VEPH1: variants seen among roughly 807,000 people sequenced by gnomAD.
The protein encoded by VEPH1 is ventricular zone-expressed PH domain-containing protein homolog 1.
Under a neutral mutation model 85.2 loss-of-function variants are expected in VEPH1, and 80 were observed. The observed-to-expected ratio is 0.94, with a 90% CI of 0.78 to 1.13. The LOEUF is 1.13. VEPH1 is among the 50% of genes most tolerant of loss of function. The probability of loss-of-function intolerance (pLI) is 0.00; values close to 1 mark genes in which losing one functional copy is unlikely to be tolerated. For missense variants in VEPH1, 955 were observed against 980.5 expected (o/e 0.97, Z 0.35); for synonymous variants, 297 against 348.0 (o/e 0.85, Z 1.63).
At chr3:157,458,732 T>C (rs1050743207) in intron 4 of VEPH1, among the ~76,000 whole-genome samples, 1 of 152,242 alleles carries the variant, frequency 6.6e-6, no homozygotes, top group Non-Finnish European at 1.5e-5. Context: ...TCCTAGATTT[T>C]CCTTGAGGAC....
intron 2 of VEPH1, among the ~76,000 whole-genome samples, chr3:157,480,278 C>A (rs1477136509): frequency 1.3e-5 from 2 of 148,662 alleles, no homozygotes; most frequent in Non-Finnish European, 2.9e-5. Context: ...TTATCTCTCA[C>A]TTTCTTTTTA....
chr3:157,399,671 A>C (rs957661790), intron 6 of VEPH1, among the ~76,000 whole-genome samples: 1 of 152,170 alleles, frequency 6.6e-6, no homozygotes, highest in Non-Finnish European at 1.5e-5. Flanking sequence ...AGAAAATGCT[A>C]TTTTAGCCTT....
At chr3:157,486,518 T>C (rs1019716609) in intron 2 of VEPH1, among the ~76,000 whole-genome samples, 1 of 151,406 alleles carries the variant, frequency 6.6e-6, no homozygotes, top group Admixed American at 6.6e-5. Context: ...CATAGTTTGG[T>C]GGCTAAGAAT....
At chr3:157,354,025 C>A (rs1270089525) in intron 9 of VEPH1, among the ~76,000 whole-genome samples, 2 of 152,088 alleles carry the variant, frequency 1.3e-5, no homozygotes, top group Non-Finnish European at 2.9e-5. Flanking sequence ...TTTGTCAAAA[C>A]CCATAAAAGG....
intron 11 of VEPH1, among the ~76,000 whole-genome samples, chr3:157,293,144 T>C (rs1267773958): frequency 2.0e-5 from 3 of 152,120 alleles, no homozygotes; most frequent in East Asian, 1.9e-4. Context: ...ATTGAACTCA[T>C]TGGGCCCAAT....
At chr3:157,369,294 C>T (rs1727220480) in intron 7 of VEPH1, among the ~76,000 whole-genome samples, 1 of 146,924 alleles carries the variant, frequency 6.8e-6, no homozygotes, top group Admixed American at 7.0e-5. Flanking sequence ...ATTTGGTAAA[C>T]ATGAAATGTG....
intron 12 of VEPH1, among the ~76,000 whole-genome samples, chr3:157,273,352 TG>T (rs1482742996): frequency 9.2e-5 from 14 of 151,886 alleles, no homozygotes; most frequent in Non-Finnish European, 4.4e-5. Context: ...GAGTACAGAG[TG>T]GGATAAGTAC....
intron 9 of VEPH1, among the ~76,000 whole-genome samples, chr3:157,359,892 C>T (rs1725856728): frequency 6.6e-6 from 1 of 152,152 alleles, no homozygotes; most frequent in African/African-American, 2.4e-5. Flanking sequence ...TTTGTAACAG[C>T]AGTCCAAAAT....
Position 157,468,617 on chromosome 3 carries a change from GTAAA to G in VEPH1, c.354+1693_354+1696del, listed in dbSNP as rs887000047. 2.1e-4 allele frequency among the ~76,000 whole-genome samples: 32 copies of G among 151,978 alleles called. 1 individual carries two copies. Among genetic ancestry groups the G allele is most frequent in the Non-Finnish European group, 2.9e-5 (2 of 67,964 alleles). On this transcript the variant is annotated intron_variant, in intron 3 of 13. Coordinates refer to ENST00000362010, the MANE Select transcript of VEPH1 (RefSeq NM_001167912.2). Reference sequence around the variant, plus strand: ...AATGATAATAACAACAATAATAATAGTAAATAAATAAATTTTAAAAATTGCTATA... The same window carrying G: ...AATGATAATAACAACAATAATAATAGTAAATAAATTTTAAAAATTGCTATA...
chr3:157,386,507 G>A (rs1729319445), intron 6 of VEPH1, among the ~76,000 whole-genome samples: 1 of 152,172 alleles, frequency 6.6e-6, no homozygotes, highest in Non-Finnish European at 1.5e-5. Flanking sequence ...GTGGGGAAAA[G>A]AAAGGGAGAG....
chr3:157,475,019 G>T (rs1041394108), intron 2 of VEPH1, among the ~76,000 whole-genome samples: 1 of 150,190 alleles, frequency 6.7e-6, no homozygotes, highest in Admixed American at 6.6e-5. Context: ...GGTTCTCTCT[G>T]CCACCCAGGT....
At chr3:157,297,460 A>T (rs760425823) in intron 11 of VEPH1, among the ~76,000 whole-genome samples, 1 of 152,178 alleles carries the variant, frequency 6.6e-6, no homozygotes, top group Non-Finnish European at 1.5e-5. Context: ...ACAAATAGAA[A>T]AGCATAGAAA....
intron 3 of VEPH1, among the ~76,000 whole-genome samples, chr3:157,468,705 C>T (rs953331158): frequency 2.0e-5 from 3 of 151,988 alleles, no homozygotes; most frequent in African/African-American, 7.3e-5. Context: ...AATATATTAT[C>T]AAAATCAATT....
intron 6 of VEPH1, among the ~76,000 whole-genome samples, chr3:157,409,327 A>G (rs1164446739): frequency 6.6e-6 from 1 of 152,158 alleles, no homozygotes; most frequent in Non-Finnish European, 1.5e-5. Context: ...ACTTCAACTG[A>G]GCATACCAGA....
chr3:157,452,080 G>C (rs144422105), intron 4 of VEPH1, among the ~76,000 whole-genome samples: 3 of 152,234 alleles, frequency 2.0e-5, no homozygotes, highest in Admixed American at 2.0e-4. Context: ...TTGTGTGATT[G>C]ACAAAAAACT....
intron 11 of VEPH1, among the ~76,000 whole-genome samples, chr3:157,300,894 C>T (rs1332437096): frequency 6.6e-6 from 1 of 152,194 alleles, no homozygotes; most frequent in African/African-American, 2.4e-5. Flanking sequence ...TAGAATTTGG[C>T]TGAACTTCCA....
At chr3:157,394,556 G>T (rs998027617) in intron 6 of VEPH1, among the ~76,000 whole-genome samples, 1 of 152,196 alleles carries the variant, frequency 6.6e-6, no homozygotes, top group African/African-American at 2.4e-5. Flanking sequence ...TCATGGTTCT[G>T]CAGGCTGTTC....
intron 13 of VEPH1, among the ~76,000 whole-genome samples, chr3:157,264,090 A>G (rs911520176): frequency 6.6e-6 from 1 of 152,224 alleles, no homozygotes; most frequent in African/African-American, 2.4e-5. Context: ...GTGGGTGGGC[A>G]TCATGCAATC....
At chr3:157,279,440 G>A (rs1715800738) in intron 12 of VEPH1, among the ~76,000 whole-genome samples, 1 of 152,160 alleles carries the variant, frequency 6.6e-6, no homozygotes, top group East Asian at 1.9e-4. Flanking sequence ...AGAGGGTTGA[G>A]TCATGAGAAG....
Sources: gnomAD v4.1 joint callset for allele counts (sites outside exome capture counted in the v4.1 genomes callset) on GRCh38, gnomAD v4.1.1 for gene constraint, MANE v1.5 for transcripts, NCBI Gene and HGNC (gene_info 2026-07-23, HGNC 2026-07-21) for gene names.